The following CYRIA variants were observed in gnomAD, a reference collection of about 807,000 sequenced individuals.
CYRIA encodes CYFIP related Rac1 interactor A, also known as CYFIP-related Rac1 interactor A.
In CYRIA, 15 loss-of-function variants were observed where a neutral mutation model predicts 43.9. That is an observed-to-expected ratio of 0.34 (90% CI 0.23 to 0.53). The LOEUF is 0.53. Among genes scored for constraint, CYRIA ranks in the 20% least tolerant of loss-of-function variants. CYRIA has a pLI of 0.94. For missense variants in CYRIA, 236 were observed against 394.2 expected, an observed-to-expected ratio of 0.60 and a Z score of 3.40; for synonymous variants, 117 against 136.0, an observed-to-expected ratio of 0.86 and a Z score of 0.97.
At position 16,552,318 on chromosome 2, in the gene CYRIA, T is replaced by A. The variant is rs1666344189; in HGVS notation, c.*618A>T. 6.6e-6 allele frequency: 1 copy of A among 152,116 alleles called. No homozygotes were observed. Among genetic ancestry groups the A allele is most frequent in the Non-Finnish European group, 1.5e-5 (1 of 68,016 alleles). 9.4% of individuals were successfully genotyped at this position (152,116 alleles called of 1,614,324 possible). Reference sequence around the variant, plus strand: ...GAAAAAAATACAGGAGATTTTTTTTTCATGTGAAATTAAAGGAGAACATTA... The same window carrying A: ...GAAAAAAATACAGGAGATTTTTTTTACATGTGAAATTAAAGGAGAACATTA... On this transcript the variant is annotated 3_prime_UTR_variant, in exon 12 of 12. Coordinates refer to ENST00000381323, the MANE Select transcript of CYRIA (RefSeq NM_030797.4).
chr2:16,585,209 T>C (rs760074742), intron 3 of CYRIA, among the ~76,000 whole-genome samples: 14 of 152,122 alleles, frequency 9.2e-5, no homozygotes, highest in Non-Finnish European at 1.8e-4. Context: ...CTTTAGGAAA[T>C]AGGATTTTCA....
intron 1 of CYRIA, among the ~76,000 whole-genome samples, chr2:16,628,554 A>C (rs1425494719): frequency 2.0e-5 from 3 of 152,204 alleles, no homozygotes; most frequent in African/African-American, 7.2e-5. Context: ...AACCACTTTT[A>C]TATACACAGT....
chr2:16,601,877 G>A (rs904725551), intron 2 of CYRIA, among the ~76,000 whole-genome samples: 1 of 152,188 alleles, frequency 6.6e-6, no homozygotes, highest in African/African-American at 2.4e-5. Flanking sequence ...AGTGACTGTG[G>A]TTTATGGAGA....
At chr2:16,567,599 T>A (rs959382161) in intron 3 of CYRIA, among the ~76,000 whole-genome samples, 6 of 151,794 alleles carry the variant, frequency 4.0e-5, no homozygotes, top group Admixed American at 3.9e-4. Context: ...CCCATGGAGA[T>A]TTTTAGACTA....
chr2:16,610,563 C>G (rs768461380), intron 2 of CYRIA, among the ~76,000 whole-genome samples: 10 of 152,200 alleles, frequency 6.6e-5, no homozygotes, highest in Middle Eastern at 3.4e-3. Context: ...AATGCTGGAA[C>G]AGGGAGAAGT....
intron 1 of CYRIA, among the ~76,000 whole-genome samples, chr2:16,664,181 C>T (rs868303161): frequency 6.6e-6 from 1 of 152,124 alleles, no homozygotes. Flanking sequence ...GCTGCTGCTG[C>T]CCCCTTCCCA....
In CYRIA at chr2:16,593,289, C is replaced by G. The variant is rs146833869; in HGVS notation, c.-10-5160G>C. Among the ~76,000 whole-genome samples, 924 of 152,062 alleles carry G rather than the reference C, an allele frequency of 6.1e-3. 6 individuals carry two copies. Among genetic ancestry groups the G allele is most frequent in the African/African-American group, 0.022 (893 of 41,466 alleles). On this transcript the variant is annotated intron_variant, in intron 2 of 11. Coordinates refer to ENST00000381323, the MANE Select transcript of CYRIA (RefSeq NM_030797.4). ...CATGGTCCTTTATGTATATCTTTTC[C>G]ACATTAAACTATAACCAGGTAAATG... is the stretch of plus-strand genomic sequence containing the variant.
At chr2:16,600,052 G>T (rs1054085356) in intron 2 of CYRIA, among the ~76,000 whole-genome samples, 2 of 152,128 alleles carry the variant, frequency 1.3e-5, no homozygotes, top group African/African-American at 4.8e-5. Context: ...CATCGTGCCT[G>T]GCCAGATTTT....
At chr2:16,600,465 G>A (rs1668165566) in intron 2 of CYRIA, among the ~76,000 whole-genome samples, 1 of 152,090 alleles carries the variant, frequency 6.6e-6, no homozygotes, top group African/African-American at 2.4e-5. Context: ...CAATCCCCAG[G>A]GCACTTACAG....
chr2:16,591,093 C>T (rs138191037), intron 2 of CYRIA, among the ~76,000 whole-genome samples: 80 of 152,082 alleles, frequency 5.3e-4, no homozygotes, highest in African/African-American at 1.9e-3. Context: ...ACAAAATATA[C>T]GTTGCTATTA....
At chr2:16,553,114 A>G (rs1013703450) in intron 11 of CYRIA, 115 bp from the exon 12 acceptor site, 2 of 730,520 alleles carry the variant, frequency 2.7e-6, no homozygotes, top group African/African-American at 3.5e-5. Flanking sequence ...TTAGACAAAA[A>G]TCCACACTTC....
Position 16,650,961 on chromosome 2 carries a change from C to G in CYRIA, c.-167+14819G>C, listed in dbSNP as rs1022829203. 1.1e-4 allele frequency among the ~76,000 whole-genome samples: 17 copies of G among 152,144 alleles called. No individual in the cohort carries two copies. Among genetic ancestry groups the G allele is most frequent in the Non-Finnish European group, 8.8e-5 (6 of 68,024 alleles). ...CTCTCTTACTTTCACTTTAAAAAAA[C>G]ATTCCATTCAACGGGGGCGAGTGAG... On this transcript the variant is annotated intron_variant, in intron 1 of 11. Transcript: ENST00000381323. This position sits in a 1 kb window ranked among gnomAD's most constrained non-coding sequence, Gnocchi z 4.1.
At chr2:16,553,314 C>T (rs1405290429) in intron 11 of CYRIA, among the ~76,000 whole-genome samples, 1 of 152,168 alleles carries the variant, frequency 6.6e-6, no homozygotes, top group African/African-American at 2.4e-5. Context: ...GAGGCTGCCC[C>T]TGCTAACTCA....
chr2:16,637,543 G>A (rs971279210), intron 1 of CYRIA, among the ~76,000 whole-genome samples: 3 of 152,188 alleles, frequency 2.0e-5, no homozygotes, highest in Non-Finnish European at 2.9e-5. Context: ...CTCCAGAACC[G>A]TGAGAAATGT....
At chr2:16,606,350 C>T (rs949635287) in intron 2 of CYRIA, among the ~76,000 whole-genome samples, 1 of 151,800 alleles carries the variant, frequency 6.6e-6, no homozygotes, top group Non-Finnish European at 1.5e-5. Flanking sequence ...CATTCCTCTT[C>T]CCGATGCCCT....
At chr2:16,635,844 G>T (rs1432762536) in intron 1 of CYRIA, among the ~76,000 whole-genome samples, 2 of 152,164 alleles carry the variant, frequency 1.3e-5, no homozygotes, top group African/African-American at 2.4e-5. Flanking sequence ...CACACAGCAG[G>T]CAACCTTGCT....
chr2:16,593,041 C>A (rs1348682286), intron 2 of CYRIA, among the ~76,000 whole-genome samples: 1 of 152,168 alleles, frequency 6.6e-6, no homozygotes. Context: ...ATAATAGTAT[C>A]TCCTGCATGG....
intron 2 of CYRIA, among the ~76,000 whole-genome samples, chr2:16,618,841 T>C (rs1047761220): frequency 3.3e-5 from 5 of 152,164 alleles, no homozygotes; most frequent in African/African-American, 1.2e-4. Flanking sequence ...TGCTCTGACC[T>C]CACTGCTTGC....
intron 2 of CYRIA, among the ~76,000 whole-genome samples, chr2:16,599,966 G>A (rs1668143879): frequency 1.3e-5 from 2 of 152,140 alleles, no homozygotes; most frequent in Non-Finnish European, 2.9e-5. Flanking sequence ...ATGTTGGCCA[G>A]GATAGTCTCG....
Sources: gnomAD v4.1 joint callset for allele counts (sites outside exome capture counted in the v4.1 genomes callset) on GRCh38, gnomAD v4.1.1 for gene constraint, Gnocchi (gnomAD v3.1) non-coding constraint, MANE v1.5 for transcripts, NCBI Gene and HGNC (gene_info 2026-07-23, HGNC 2026-07-21) for gene names.